Variants in KCNJ6 observed in about 807,000 individuals in gnomAD.
KCNJ6 encodes potassium inwardly rectifying channel subfamily J member 6.
KCNJ6 carries 9 observed loss-of-function variants against 34.2 expected under a neutral mutation model. The observed-to-expected ratio is 0.26, with a 90% CI of 0.16 to 0.46. The LOEUF (loss-of-function observed/expected upper bound fraction) is 0.46, where lower values mean the gene tolerates loss of function less well. KCNJ6 is among the 20% of genes least tolerant of loss of function. The pLI is 1.00. For synonymous variants in KCNJ6, 196 were observed against 207.1 expected, an observed-to-expected ratio of 0.95 and a Z score of 0.46; for missense variants, 236 against 531.3, an observed-to-expected ratio of 0.44 and a Z score of 5.46.
intron 1 of KCNJ6, among the ~76,000 whole-genome samples, chr21:37,854,017 C>A (rs974006691): frequency 1.9e-4 from 28 of 149,674 alleles, no homozygotes; most frequent in East Asian, 7.9e-4. Context: ...CAGAAAAAAA[C>A]CCCAGAGAAT....
intron 1 of KCNJ6, among the ~76,000 whole-genome samples, chr21:37,897,962 AAAG>A (rs1287734734): frequency 9.2e-5 from 14 of 152,370 alleles, no homozygotes; most frequent in Middle Eastern, 3.4e-3. Context: ...AGATCATGAG[AAAG>A]AAGAAGGGAA....
intron 2 of KCNJ6, among the ~76,000 whole-genome samples, chr21:37,740,308 G>GA (rs2054934430): frequency 6.6e-6 from 1 of 152,142 alleles, no homozygotes; most frequent in African/African-American, 2.4e-5. Flanking sequence ...CCCGAAGTCT[G>GA]ATAAGAATCG....
chr21:37,661,097 T>A (rs2054486219), intron 3 of KCNJ6, among the ~76,000 whole-genome samples: 1 of 152,242 alleles, frequency 6.6e-6, no homozygotes, highest in Non-Finnish European at 1.5e-5. Context: ...ATACTATCTC[T>A]ATGTTTCTGA....
intron 1 of KCNJ6, among the ~76,000 whole-genome samples, chr21:37,905,264 G>A (rs1289857332): frequency 1.3e-5 from 2 of 152,118 alleles, no homozygotes; most frequent in African/African-American, 4.8e-5. Context: ...CCTAATCCCA[G>A]TATTTAACTC....
Position 37,617,992 on chromosome 21 carries a change from A to G in KCNJ6, c.*7167T>C, listed in dbSNP as rs1311214661. 6.6e-6 allele frequency: 1 copy of G among 152,282 alleles called. No individual in the cohort carries two copies. The allele number at this position is 152,282 out of a possible 1,614,324, so 9.4% of individuals were successfully genotyped here. On this transcript the variant is annotated 3_prime_UTR_variant, in exon 4 of 4. Transcript: ENST00000609713. ...CATTGTCCAGATGGGCAAGAGCCAGACCCTGCAGGGAGAAGCTCCCCTAGA... is the reference window on the plus strand; with the variant it reads ...CATTGTCCAGATGGGCAAGAGCCAGGCCCTGCAGGGAGAAGCTCCCCTAGA...
chr21:37,819,919 G>A (rs2055365976), intron 2 of KCNJ6, among the ~76,000 whole-genome samples: 1 of 151,492 alleles, frequency 6.6e-6, no homozygotes. Context: ...TGAGTAGATG[G>A]GATTACAGGC....
chr21:37,802,231 A>G (rs1436150756), intron 2 of KCNJ6, among the ~76,000 whole-genome samples: 4 of 152,152 alleles, frequency 2.6e-5, no homozygotes, highest in African/African-American at 4.8e-5. Flanking sequence ...GCAGGGGGGA[A>G]CACCCCAAGC....
intron 2 of KCNJ6, among the ~76,000 whole-genome samples, chr21:37,830,092 G>A (rs376625738): frequency 1.3e-5 from 2 of 152,198 alleles, no homozygotes; most frequent in East Asian, 1.9e-4. Context: ...CCAACTCCCC[G>A]ACAACACCAT....
At chr21:37,756,047 C>G (rs976800164) in intron 2 of KCNJ6, among the ~76,000 whole-genome samples, 7 of 152,310 alleles carry the variant, frequency 4.6e-5, no homozygotes, top group African/African-American at 9.6e-5. Context: ...CTTCCAGGTT[C>G]TGTGGATGGA....
At chr21:37,748,786 A>G (rs1475833253) in intron 2 of KCNJ6, among the ~76,000 whole-genome samples, 2 of 152,152 alleles carry the variant, frequency 1.3e-5, no homozygotes, top group Admixed American at 6.5e-5. Flanking sequence ...CAAAGGACAA[A>G]CCTAGTGGGG....
intron 3 of KCNJ6, among the ~76,000 whole-genome samples, chr21:37,702,234 C>CAAAAAAAA (rs374421896): frequency 1.0e-5 from 1 of 97,788 alleles, no homozygotes; most frequent in Non-Finnish European, 1.9e-5. Context: ...TTTTGTCTCA[C>CAAAAAAAA]AAAAAAAAAA....
At chr21:37,787,407 T>C (rs971078708) in intron 2 of KCNJ6, among the ~76,000 whole-genome samples, 4 of 152,198 alleles carry the variant, frequency 2.6e-5, no homozygotes, top group Non-Finnish European at 5.9e-5. Context: ...CCAGGGGTCA[T>C]ACTCACTCTT....
chr21:37,789,638 T>C (rs1057062697), intron 2 of KCNJ6, among the ~76,000 whole-genome samples: 18 of 152,214 alleles, frequency 1.2e-4, no homozygotes, highest in African/African-American at 3.4e-4. Flanking sequence ...AAGGTTAGCA[T>C]AGATGAGAGA....
At chr21:37,905,831 T>G (rs1157714765) in intron 1 of KCNJ6, among the ~76,000 whole-genome samples, 2 of 152,238 alleles carry the variant, frequency 1.3e-5, no homozygotes, top group African/African-American at 4.8e-5. Context: ...GTCAACTGAC[T>G]AACCCAAGAA....
chr21:37,750,060 T>C (rs1236697119), intron 2 of KCNJ6, among the ~76,000 whole-genome samples: 1 of 152,228 alleles, frequency 6.6e-6, no homozygotes, highest in Non-Finnish European at 1.5e-5. Flanking sequence ...GCTTGCTGCT[T>C]TTTTGGTAGC....
At chr21:37,858,990 G>A (rs2055579090) in intron 1 of KCNJ6, among the ~76,000 whole-genome samples, 1 of 152,124 alleles carries the variant, frequency 6.6e-6, no homozygotes, top group South Asian at 2.1e-4. Context: ...GAACAAAGAT[G>A]TAAGTACAGT....
At chr21:37,813,322 C>T (rs983487774) in intron 2 of KCNJ6, among the ~76,000 whole-genome samples, 4 of 152,130 alleles carry the variant, frequency 2.6e-5, no homozygotes, top group East Asian at 1.9e-4. Flanking sequence ...GTTAAAATGT[C>T]GATACTACCC....
chr21:37,747,614 T>C (rs530667175), intron 2 of KCNJ6, among the ~76,000 whole-genome samples: 7 of 152,158 alleles, frequency 4.6e-5, no homozygotes, highest in African/African-American at 1.7e-4. Flanking sequence ...ACAAGAGTCC[T>C]TTTAAGTGGG....
chr21:37,668,108 C>T (rs2054525194), intron 3 of KCNJ6, among the ~76,000 whole-genome samples: 1 of 152,162 alleles, frequency 6.6e-6, no homozygotes, highest in Non-Finnish European at 1.5e-5. Context: ...ACGGAGCCCA[C>T]AGCCCCAGGG....
Sources: gnomAD v4.1 joint callset for allele counts (sites outside exome capture counted in the v4.1 genomes callset) on GRCh38, gnomAD v4.1.1 for gene constraint, MANE v1.5 for transcripts, NCBI Gene and HGNC (gene_info 2026-07-23, HGNC 2026-07-21) for gene names.